MIB1: variants seen among roughly 807,000 people sequenced by gnomAD.
MIB1 encodes the protein E3 ubiquitin-protein ligase MIB1.
MIB1 carries 278 observed loss-of-function variants against 124.5 expected under a neutral mutation model. The observed-to-expected ratio is 2.23, with a 90% CI of 2.02 to 2.47. The LOEUF (loss-of-function observed/expected upper bound fraction) is 2.47, where lower values mean the gene tolerates loss of function less well. MIB1 is among the 30% of genes most tolerant of loss of function. The pLI is 0.00. For synonymous variants in MIB1, 446 were observed against 429.4 expected (o/e 1.04, Z -0.48); for missense variants, 957 against 1,254.4 (o/e 0.76, Z 3.58).
At chr18:21,828,913 G>A (rs1327238748) in intron 12 of MIB1, 1 of 425,896 alleles carries the variant, frequency 2.3e-6, no homozygotes, top group African/African-American at 2.1e-5. Context: ...ATCTGTTCAT[G>A]ACTAGGTTAA....
chr18:21,853,914 G>C (rs1164781211), intron 18 of MIB1, among the ~76,000 whole-genome samples: 1 of 147,888 alleles, frequency 6.8e-6, no homozygotes, highest in Admixed American at 6.8e-5. Flanking sequence ...ACCTAGGCTG[G>C]AGTGCAGTGG....
intron 14 of MIB1, 89 bp downstream of exon 14, chr18:21,843,306 TAC>T (rs1362970656): frequency 8.7e-6 from 7 of 801,748 alleles, no homozygotes; most frequent in Non-Finnish European, 1.3e-5. Context: ...GATACAGTGT[TAC>T]ATGTCTCAAG....
chr18:21,732,746 G>A (rs1171598765), intron 1 of MIB1, among the ~76,000 whole-genome samples: 1 of 152,126 alleles, frequency 6.6e-6, no homozygotes. Context: ...GAAGTTAGGA[G>A]ACAAGAAAAA....
At chr18:21,830,272 C>T (rs975818989) in intron 12 of MIB1, among the ~76,000 whole-genome samples, 1 of 152,058 alleles carries the variant, frequency 6.6e-6, no homozygotes, top group Admixed American at 6.6e-5. Context: ...TTGACTAAAC[C>T]TTGAAATAGA....
rs548339183 is a variant in MIB1 at position 21,743,725 on chromosome 18, T to G, written c.229+1913T>G. On this transcript the variant is annotated intron_variant, in intron 1 of 20. Coordinates refer to ENST00000261537, the MANE Select transcript of MIB1 (RefSeq NM_020774.4). ...TCAAGCTAAAGTCTGACCACAACCC[T>G]TATTTGGAGGAATTCTTGGTATCAG... 3.9e-5 allele frequency among the ~76,000 whole-genome samples: 6 copies of G among 152,340 alleles called. No individual in the cohort carries two copies. The East Asian group carries it at 7.7e-4, about 20-fold the overall frequency.
At chr18:21,720,366 A>C (rs1259567898) in intron 1 of MIB1, among the ~76,000 whole-genome samples, 2 of 152,254 alleles carry the variant, frequency 1.3e-5, no homozygotes, top group Non-Finnish European at 2.9e-5. Flanking sequence ...ACACATGATC[A>C]TCCAGAAATT....
intron 6 of MIB1, among the ~76,000 whole-genome samples, chr18:21,781,969 T>C (rs2041373964): frequency 6.6e-6 from 1 of 152,168 alleles, no homozygotes; most frequent in South Asian, 2.1e-4. Flanking sequence ...CTTTTCATTT[T>C]GTTGATATTT....
intron 12 of MIB1, among the ~76,000 whole-genome samples, chr18:21,821,069 T>C (rs1010585953): frequency 6.6e-6 from 1 of 152,172 alleles, no homozygotes; most frequent in African/African-American, 2.4e-5. Context: ...ATTTTACTCA[T>C]TCTACCAATC....
intron 1 of MIB1, among the ~76,000 whole-genome samples, chr18:21,708,780 A>G (rs1026939385): frequency 2.6e-5 from 4 of 152,214 alleles, no homozygotes; most frequent in African/African-American, 9.6e-5. Context: ...TGAGGATCCA[A>G]TCATAATAAT....
At chr18:21,734,202 GT>G (rs2040784837) in intron 1 of MIB1, among the ~76,000 whole-genome samples, 1 of 151,326 alleles carries the variant, frequency 6.6e-6, no homozygotes, top group Non-Finnish European at 1.5e-5. Context: ...CGCCTCCCGG[GT>G]TCACTCCATT....
At chr18:21,812,536 A>G (rs1336147195) in intron 10 of MIB1, 2 of 152,180 alleles carry the variant, frequency 1.3e-5, no homozygotes, top group Non-Finnish European at 2.9e-5. Flanking sequence ...ATGAGCATAA[A>G]TTGAGGAGTA....
rs569444998 is a variant in MIB1 at position 21,791,623 on chromosome 18, A to G, written c.1092+66A>G. On this transcript the variant is annotated intron_variant, in intron 7 of 20. Transcript: ENST00000261537. ...ATACTTATGTCATTTTTAAAAGTAA[A>G]TTAATGTAGAAATTAAATTGGCATA... 2.0e-5 allele frequency: 26 copies of G among 1,293,286 alleles called. No homozygotes were observed. In the African/African-American group the frequency reaches 3.3e-4, roughly 16 times the overall value. 80.1% of individuals were successfully genotyped at this position (1,293,286 alleles called of 1,614,324 possible).
At position 21,717,700 on chromosome 18, in the gene MIB1, C is replaced by T. The variant is rs143704096; in HGVS notation, n.167+12577C>T. 6.5e-3 allele frequency among the ~76,000 whole-genome samples: 992 copies of T among 152,192 alleles called. 11 individuals are homozygous for T. The highest frequency in any genetic ancestry group is 0.023 in the African/African-American group (951 of 41,520). ...GCAAATCAAAAACACAATGCGATGCCACCTTACTCCTGCAAAAATGGCCAT... is the reference window on the plus strand; with the variant it reads ...GCAAATCAAAAACACAATGCGATGCTACCTTACTCCTGCAAAAATGGCCAT... On this transcript the variant is annotated intron_variant and non_coding_transcript_variant, in intron 1 of 20. Coordinates refer to the MIB1 transcript ENST00000578646.
chr18:21,838,339 A>G (rs1368872169), intron 12 of MIB1, 26 bp from the exon 13 acceptor site: 4 of 1,513,092 alleles, frequency 2.6e-6, no homozygotes, highest in Non-Finnish European at 3.6e-6. Flanking sequence ...ATGCAAATAT[A>G]GAAATAATGT....
At chr18:21,853,573 G>C (rs1484730521) in intron 18 of MIB1, among the ~76,000 whole-genome samples, 3 of 151,988 alleles carry the variant, frequency 2.0e-5, no homozygotes, top group Non-Finnish European at 4.4e-5. Flanking sequence ...TCTTCATTTG[G>C]CTTCACCTTA....
intron 1 of MIB1, among the ~76,000 whole-genome samples, chr18:21,761,669 T>G (rs1413875556): frequency 1.3e-5 from 2 of 152,200 alleles, no homozygotes; most frequent in African/African-American, 4.8e-5. Flanking sequence ...GAAGTGACAC[T>G]GTGAATTCTG....
At chr18:21,844,618 G>A (rs185829756) in intron 15 of MIB1, among the ~76,000 whole-genome samples, 58 of 152,156 alleles carry the variant, frequency 3.8e-4, no homozygotes, top group South Asian at 4.1e-4. Flanking sequence ...TAGTAGAGAC[G>A]GAGTTTCACC....
chr18:21,705,395 C>A (rs2040615339), intron 1 of MIB1, among the ~76,000 whole-genome samples: 1 of 152,168 alleles, frequency 6.6e-6, no homozygotes, highest in Non-Finnish European at 1.5e-5. Context: ...TTGTTAAAAG[C>A]CTATTTGTGG....
intron 20 of MIB1, among the ~76,000 whole-genome samples, chr18:21,862,839 C>G (rs2042287993): frequency 6.6e-6 from 1 of 152,172 alleles, no homozygotes; most frequent in Admixed American, 6.5e-5. Flanking sequence ...GCACTGCTCC[C>G]CACCCTGCAC....
Sources: allele counts gnomAD v4.1 joint callset (sites outside exome capture counted in the v4.1 genomes callset), GRCh38; gene constraint gnomAD v4.1.1; transcripts MANE v1.5; gene names NCBI Gene and HGNC (gene_info 2026-07-23, HGNC 2026-07-21).